IMPG1: variants seen among roughly 807,000 people sequenced by gnomAD.
The protein encoded by IMPG1 is interphotoreceptor matrix proteoglycan of 150 kDa.
IMPG1 carries 85 observed loss-of-function variants against 92.0 expected under a neutral mutation model. The observed-to-expected ratio is 0.92, with a 90% CI of 0.78 to 1.11. The LOEUF is 1.11. Among genes scored for constraint, IMPG1 ranks in the 50% least tolerant of loss-of-function variants. IMPG1 has a pLI of 0.00. For missense variants in IMPG1, 1,022 were observed against 956.0 expected, an observed-to-expected ratio of 1.07 and a Z score of -0.91; for synonymous variants, 367 against 334.1, an observed-to-expected ratio of 1.10 and a Z score of -1.08.
intron 12 of IMPG1, among the ~76,000 whole-genome samples, chr6:75,978,546 A>G (rs1782575272): frequency 6.6e-6 from 1 of 152,218 alleles, no homozygotes; most frequent in South Asian, 2.1e-4. Flanking sequence ...TAACTATGGC[A>G]GGTTCAGTAC....
chr6:76,005,132 T>A (rs1201093628), intron 10 of IMPG1, among the ~76,000 whole-genome samples, 155 bp downstream of exon 10: 1 of 151,796 alleles, frequency 6.6e-6, no homozygotes, highest in East Asian at 1.9e-4. Context: ...CAGGAAGGAG[T>A]GAGAAAAGCT....
At chr6:76,025,861 G>C (rs919767704) in intron 4 of IMPG1, among the ~76,000 whole-genome samples, 2 of 152,196 alleles carry the variant, frequency 1.3e-5, no homozygotes, top group Admixed American at 1.3e-4. Flanking sequence ...TCTAGGAGCA[G>C]ATCCAAGGTC....
chr6:76,029,884 T>A (rs1266978083), intron 4 of IMPG1, among the ~76,000 whole-genome samples: 1 of 152,142 alleles, frequency 6.6e-6, no homozygotes, highest in Non-Finnish European at 1.5e-5. Context: ...TTCCACAGTT[T>A]CACCTTAGCA....
At chr6:76,007,607 C>T in intron 8 of IMPG1, 107 bp from the exon 9 acceptor site, 2 of 714,292 alleles carry the variant, frequency 2.8e-6, no homozygotes, top group Non-Finnish European at 4.5e-6. Context: ...AAAAATATTT[C>T]TTTCCATTGT....
chr6:76,062,723 T>G (rs555286568), intron 1 of IMPG1, among the ~76,000 whole-genome samples: 1 of 152,136 alleles, frequency 6.6e-6, no homozygotes, highest in Non-Finnish European at 1.5e-5. Flanking sequence ...TGGTTACAAA[T>G]AAGAAACCAG....
At chr6:76,025,363 G>A in intron 4 of IMPG1, 105 bp from the exon 5 acceptor site, 1 of 530,176 alleles carries the variant, frequency 1.9e-6, no homozygotes, top group Non-Finnish European at 3.3e-6. Flanking sequence ...AAAAGTTATA[G>A]GAAAAGCATA....
At chr6:75,969,097 C>CTGT in intron 12 of IMPG1, among the ~76,000 whole-genome samples, 1 of 151,918 alleles carries the variant, frequency 6.6e-6, no homozygotes, top group Non-Finnish European at 1.5e-5. Context: ...GTGGAATCTA[C>CTGT]AAAAGTCAAA....
intron 13 of IMPG1, among the ~76,000 whole-genome samples, chr6:75,948,214 C>T (rs543608935): frequency 3.3e-5 from 5 of 152,304 alleles, no homozygotes; most frequent in South Asian, 2.1e-4. Flanking sequence ...CCCAGCGAGC[C>T]GTTTCCAAAC....
At chr6:75,952,236 T>A (rs1379339242) in intron 12 of IMPG1, among the ~76,000 whole-genome samples, 1 of 152,216 alleles carries the variant, frequency 6.6e-6, no homozygotes, top group East Asian at 1.9e-4. Context: ...AGGGAGCTTT[T>A]TGTGATTTCT....
intron 1 of IMPG1, among the ~76,000 whole-genome samples, chr6:76,059,094 G>A (rs1262809210): frequency 6.6e-6 from 1 of 152,088 alleles, no homozygotes; most frequent in Admixed American, 6.6e-5. Flanking sequence ...TAGAAAGAAG[G>A]CAGGGAAATT....
intron 2 of IMPG1, among the ~76,000 whole-genome samples, chr6:76,040,996 A>G (rs935862279): frequency 2.0e-5 from 3 of 152,188 alleles, no homozygotes; most frequent in African/African-American, 7.2e-5. Context: ...ATGGAAGCAA[A>G]CATCTAGTGT....
chr6:75,978,422 T>A (rs1169877865), intron 12 of IMPG1, among the ~76,000 whole-genome samples: 2 of 152,216 alleles, frequency 1.3e-5, no homozygotes, highest in Non-Finnish European at 2.9e-5. Flanking sequence ...CTATATGCTC[T>A]TTATTTCATT....
At chr6:76,026,060 G>C (rs973833292) in intron 4 of IMPG1, among the ~76,000 whole-genome samples, 31 of 152,192 alleles carry the variant, frequency 2.0e-4, no homozygotes, top group Admixed American at 1.9e-3. Flanking sequence ...TCCTCTTCCT[G>C]TGTGGAACCT....
At chr6:75,966,107 C>T (rs1399281073) in intron 12 of IMPG1, among the ~76,000 whole-genome samples, 1 of 152,128 alleles carries the variant, frequency 6.6e-6, no homozygotes, top group Non-Finnish European at 1.5e-5. Flanking sequence ...CCTAGTTAGT[C>T]CATCTTCTTC....
intron 14 of IMPG1, among the ~76,000 whole-genome samples, chr6:75,935,849 C>T (rs991794688): frequency 7.2e-5 from 11 of 152,162 alleles, no homozygotes; most frequent in Non-Finnish European, 1.3e-4. Flanking sequence ...AGGCAAAGGG[C>T]CTAGAGCCCA....
intron 1 of IMPG1, among the ~76,000 whole-genome samples, chr6:76,048,660 A>G (rs1227692520): frequency 6.6e-6 from 1 of 152,072 alleles, no homozygotes. Context: ...GCACACAAAC[A>G]CGCTATTATT....
At chr6:76,045,791 ATGT>A (rs769593846) in intron 1 of IMPG1, among the ~76,000 whole-genome samples, 16 of 152,148 alleles carry the variant, frequency 1.1e-4, no homozygotes, top group Admixed American at 6.5e-4. Flanking sequence ...ATAAATTGTA[ATGT>A]TGTTACTGAA....
rs559384099 is a variant in IMPG1, at chr6:75,940,985, G to A, written c.2044+6329C>T. Among the ~76,000 whole-genome samples, 7 of 152,168 alleles carry A rather than the reference G, an allele frequency of 4.6e-5. No individual in the cohort carries two copies. The South Asian group carries it at 1.2e-3, about 27-fold the overall frequency. ...TCCCTTCACCTCTGTAGAATTAATT[G>A]CTCTCTCCTCATTACTTCATAAGAT... On this transcript the variant is annotated intron_variant, in intron 14 of 16. Transcript: ENST00000369950.
At chr6:76,057,132 T>TG (rs369114819) in intron 1 of IMPG1, among the ~76,000 whole-genome samples, 1 of 151,742 alleles carries the variant, frequency 6.6e-6, no homozygotes, top group Non-Finnish European at 1.5e-5. Flanking sequence ...ACAACACACA[T>TG]GGGGGGCTGT....
Sources: gnomAD v4.1 joint callset for allele counts (sites outside exome capture counted in the v4.1 genomes callset) on GRCh38, gnomAD v4.1.1 for gene constraint, MANE v1.5 for transcripts, NCBI Gene and HGNC (gene_info 2026-07-23, HGNC 2026-07-21) for gene names.